Variants in PKP1 observed in about 807,000 individuals in gnomAD.
PKP1 encodes the protein plakophilin 1, also known as plakophilin-1.
PKP1 carries 27 observed loss-of-function variants against 76.4 expected under a neutral mutation model. The ratio of observed to expected loss-of-function variants is 0.35; its 90% CI spans 0.26 to 0.49. The LOEUF is 0.49. Ranked by LOEUF, PKP1 falls within the 20% of genes least tolerant of loss-of-function variation. The pLI, the probability that PKP1 is intolerant of heterozygous loss-of-function variation, is 0.99. For missense variants in PKP1, 964 were observed against 955.2 expected, an observed-to-expected ratio of 1.01 and a Z score of -0.12; for synonymous variants, 404 against 384.2, an observed-to-expected ratio of 1.05 and a Z score of -0.60.
chr1:201,305,416 C>T (rs1722762), intron 2 of PKP1, among the ~76,000 whole-genome samples: 75,572 of 151,990 alleles, frequency 0.5, 22,818 homozygotes, highest in East Asian at 0.74. Context: ...GCTTGAGAGG[C>T]TGAGGTGGAA....
chr1:201,297,914 G>T (rs749705582), intron 2 of PKP1, among the ~76,000 whole-genome samples: 5 of 152,172 alleles, frequency 3.3e-5, no homozygotes, highest in African/African-American at 9.7e-5. Context: ...GGGTTTCAGG[G>T]CAGGGTTACC....
chr1:201,284,026 G>C, intron 1 of PKP1, 122 bp downstream of exon 1: 1 of 923,024 alleles, frequency 1.1e-6, no homozygotes, highest in Non-Finnish European at 1.7e-6. Flanking sequence ...GCCGGCCCCA[G>C]GCAGGGTCTA....
rs552842086 is a variant in PKP1, at chr1:201,314,205, C to T, written c.701+645C>T. On this transcript the variant is annotated intron_variant, in intron 3 of 13. Coordinates refer to ENST00000367324, the MANE Select transcript of PKP1 (RefSeq NM_001005337.3). ...TGGTGGCTCACGCCTGTAATCCCAG[C>T]ACTTTGGGAGGCCGAGGCAGGAGCG... Among the ~76,000 whole-genome samples the T allele has an allele frequency of 2.6e-5, 4 of 152,304 alleles. No individual in the cohort carries two copies. In the South Asian group the frequency reaches 8.3e-4, roughly 32 times the overall value.
intron 3 of PKP1, 91 bp from the exon 4 acceptor site, chr1:201,316,462 T>C: frequency 7.3e-7 from 1 of 1,374,890 alleles, no homozygotes; most frequent in Non-Finnish European, 1.0e-6. Flanking sequence ...GATGAGGCTG[T>C]GGCAGCTTAG....
chr1:201,284,706 G>T (rs1385521623), intron 1 of PKP1, among the ~76,000 whole-genome samples: 1 of 152,166 alleles, frequency 6.6e-6, no homozygotes, highest in Non-Finnish European at 1.5e-5. Context: ...TTTCCCACTG[G>T]ATTCTTCTTA....
chr1:201,327,530 G>A (rs960158609), intron 12 of PKP1, among the ~76,000 whole-genome samples: 2 of 152,176 alleles, frequency 1.3e-5, no homozygotes, highest in African/African-American at 2.4e-5. Context: ...AGACGAGGAG[G>A]CAGGTAAGGA....
intron 8 of PKP1, among the ~76,000 whole-genome samples, chr1:201,322,756 A>C (rs984421746): frequency 6.6e-6 from 1 of 152,190 alleles, no homozygotes; most frequent in Non-Finnish European, 1.5e-5. Context: ...CCAAGATGCC[A>C]GGATGCTCTC....
intron 6 of PKP1, among the ~76,000 whole-genome samples, chr1:201,319,580 G>C (rs74617904): frequency 0.019 from 2,832 of 152,310 alleles, 75 homozygotes; most frequent in African/African-American, 0.062. Flanking sequence ...GAAAAGTGAG[G>C]ATAATTAAGA....
intron 2 of PKP1, among the ~76,000 whole-genome samples, chr1:201,298,936 G>A (rs1441532871): frequency 6.6e-6 from 1 of 152,180 alleles, no homozygotes. Context: ...TGAGAGGACT[G>A]GGGTTGCATC....
At chr1:201,317,923 G>A in intron 5 of PKP1, 144 bp downstream of exon 5, 1 of 825,514 alleles carries the variant, frequency 1.2e-6, no homozygotes, top group Non-Finnish European at 2.0e-6. Context: ...TATCCTGAGA[G>A]TTTAGTGACA....
rs879874661 is a variant in PKP1, at chr1:201,323,093, C to T, written c.1584C>T (p.Ile528=). 6 of 1,614,168 alleles carry T rather than the reference C, an allele frequency of 3.7e-6. No individual in the cohort carries two copies. The highest frequency in any genetic ancestry group is 1.3e-5 in the African/African-American group (1 of 75,060). The change falls in exon 9 of 14, where the codon ATC becomes ATT. Residue 528 remains isoleucine, a synonymous_variant. Transcript: ENST00000367324. ...GCTGGTTGTACCATTCAGATGCCATCCGCACCTACCTGAACCTCATGGGCA... is the reference window on the plus strand; with the variant it reads ...GCTGGTTGTACCATTCAGATGCCATTCGCACCTACCTGAACCTCATGGGCA... The part of the protein sequence containing the change: ...GSGWLYHSDA[I]RTYLNLMGKS...
chr1:201,284,511 C>T (rs1045382139), intron 1 of PKP1, among the ~76,000 whole-genome samples: 2 of 152,192 alleles, frequency 1.3e-5, no homozygotes, highest in Admixed American at 6.5e-5. Flanking sequence ...AGGAGAGGCG[C>T]TGCGGGACGG....
At chr1:201,291,229 C>A (rs1386887514) in intron 1 of PKP1, among the ~76,000 whole-genome samples, 2 of 152,146 alleles carry the variant, frequency 1.3e-5, no homozygotes, top group African/African-American at 4.8e-5. Context: ...TCATTCTCAC[C>A]AGAGCCAAGC....
At chr1:201,287,396 T>C (rs1243050605) in intron 1 of PKP1, among the ~76,000 whole-genome samples, 1 of 152,224 alleles carries the variant, frequency 6.6e-6, no homozygotes, top group African/African-American at 2.4e-5. Flanking sequence ...TTTGACTATG[T>C]CTCAGCATGA....
At chr1:201,325,607 A>G (rs567472588) in intron 11 of PKP1, 147 bp from the exon 12 acceptor site, 14 of 702,578 alleles carry the variant, frequency 2.0e-5, no homozygotes, top group Non-Finnish European at 3.1e-5. Flanking sequence ...CCACACCCCA[A>G]TGGGGCTCCT....
At chr1:201,313,866 ATCAGC>A (rs1656643607) in intron 3 of PKP1, among the ~76,000 whole-genome samples, 2 of 152,240 alleles carry the variant, frequency 1.3e-5, no homozygotes, top group African/African-American at 4.8e-5. Context: ...AACCAGCAAC[ATCAGC>A]ATCACCCAGG....
intron 2 of PKP1, among the ~76,000 whole-genome samples, chr1:201,297,647 T>G (rs1305707670): frequency 3.9e-5 from 6 of 152,224 alleles, no homozygotes; most frequent in Admixed American, 3.9e-4. Context: ...CCCAGACATT[T>G]GCACTTCTTA....
chr1:201,292,432 G>A (rs1373563809), intron 1 of PKP1, among the ~76,000 whole-genome samples: 2 of 152,178 alleles, frequency 1.3e-5, no homozygotes, highest in Admixed American at 6.5e-5. Flanking sequence ...GCCACAGCTT[G>A]AGACCCCTAA....
intron 1 of PKP1, among the ~76,000 whole-genome samples, chr1:201,288,424 C>A (rs832171): frequency 0.64 from 97,697 of 152,068 alleles, 35,364 homozygotes; most frequent in East Asian, 0.91. Flanking sequence ...CTGGAAATTT[C>A]AAACAACACA....
Sources: gnomAD v4.1 joint callset for allele counts (sites outside exome capture counted in the v4.1 genomes callset) on GRCh38, gnomAD v4.1.1 for gene constraint, MANE v1.5 for transcripts, NCBI Gene and HGNC (gene_info 2026-07-23, HGNC 2026-07-21) for gene names.